The following PAN3 variants were observed in gnomAD, a reference collection of about 807,000 sequenced individuals.
The protein encoded by PAN3 is PAN2-PAN3 deadenylation complex subunit PAN3.
Under a neutral mutation model 96.2 loss-of-function variants are expected in PAN3, and 19 were observed. The ratio of observed to expected loss-of-function variants is 0.20; its 90% CI spans 0.14 to 0.29. PAN3 has a LOEUF of 0.29. Among genes scored for constraint, PAN3 ranks in the 10% least tolerant of loss-of-function variants. The pLI is 1.00. For missense variants in PAN3, 882 were observed against 1,108.1 expected, an observed-to-expected ratio of 0.80 and a Z score of 2.90; for synonymous variants, 433 against 406.6, an observed-to-expected ratio of 1.06 and a Z score of -0.78.
chr13:28,158,473 A>G (rs1206533426), intron 1 of PAN3, among the ~76,000 whole-genome samples: 1 of 152,244 alleles, frequency 6.6e-6, no homozygotes, highest in African/African-American at 2.4e-5. Flanking sequence ...CAGAATCTAT[A>G]AGGAACTTAA....
At chr13:28,168,727 A>C (rs1873899303) in intron 1 of PAN3, among the ~76,000 whole-genome samples, 1 of 151,000 alleles carries the variant, frequency 6.6e-6, no homozygotes. Flanking sequence ...AAAAAAAAGA[A>C]GTGTATTGTG....
intron 6 of PAN3, among the ~76,000 whole-genome samples, chr13:28,231,745 C>T (rs1458967354): frequency 6.6e-6 from 1 of 151,872 alleles, no homozygotes; most frequent in African/African-American, 2.4e-5. Flanking sequence ...AACAAATAAA[C>T]AACAACCATA....
chr13:28,215,337 G>T, intron 5 of PAN3: 1 of 747,996 alleles, frequency 1.3e-6, no homozygotes, highest in Non-Finnish European at 2.5e-6. Context: ...TCTCAAACCC[G>T]TTATGGTGGT....
chr13:28,165,282 C>A (rs2138050111), intron 1 of PAN3, among the ~76,000 whole-genome samples: 1 of 141,984 alleles, frequency 7.0e-6, no homozygotes. Flanking sequence ...ACTTATATAT[C>A]CTTTTTTTTT....
intron 12 of PAN3, 68 bp downstream of exon 12, chr13:28,267,469 AT>A: frequency 8.0e-7 from 1 of 1,246,938 alleles, no homozygotes; most frequent in East Asian, 2.5e-5. Context: ...GTAGTTTTCT[AT>A]TTTAAAATAC....
chr13:28,274,049 T>G (rs534590297), intron 14 of PAN3, among the ~76,000 whole-genome samples: 1 of 152,284 alleles, frequency 6.6e-6, no homozygotes, highest in South Asian at 2.1e-4. Flanking sequence ...TTCAGTTGTT[T>G]GCAGACGTTT....
At chr13:28,215,845 C>G in intron 5 of PAN3, 1 of 1,399,946 alleles carries the variant, frequency 7.1e-7, no homozygotes, top group African/African-American at 1.4e-5. Context: ...AAGAAGGCTG[C>G]TGGAGCTGGC....
chr13:28,144,202 A>G (rs868660761), intron 1 of PAN3, among the ~76,000 whole-genome samples: 11 of 143,396 alleles, frequency 7.7e-5, no homozygotes, highest in African/African-American at 2.5e-4. Flanking sequence ...GGTTTCGATA[A>G]GTTTTTTTGT....
At chr13:28,239,953 A>G (rs887305285) in intron 6 of PAN3, 5 of 169,956 alleles carry the variant, frequency 2.9e-5, no homozygotes, top group Non-Finnish European at 6.4e-5. Context: ...TATGAATCCA[A>G]GTTTCTTTTT....
At chr13:28,152,938 T>C (rs1158011085) in intron 1 of PAN3, among the ~76,000 whole-genome samples, 1 of 152,170 alleles carries the variant, frequency 6.6e-6, no homozygotes, top group African/African-American at 2.4e-5. Context: ...GACACTCTGG[T>C]ATGACGCTTT....
At chr13:28,175,732 C>T (rs953448979) in intron 2 of PAN3, among the ~76,000 whole-genome samples, 5 of 152,114 alleles carry the variant, frequency 3.3e-5, no homozygotes, top group African/African-American at 1.2e-4. Context: ...TAGTTTAATG[C>T]ATAGTTATAC....
intron 14 of PAN3, among the ~76,000 whole-genome samples, chr13:28,274,000 A>G (rs768345460): frequency 1.3e-5 from 2 of 152,238 alleles, no homozygotes; most frequent in Non-Finnish European, 2.9e-5. Flanking sequence ...CGTAAACCAC[A>G]GAGAATACAG....
At chr13:28,217,857 A>G (rs966017062) in intron 5 of PAN3, among the ~76,000 whole-genome samples, 2 of 151,188 alleles carry the variant, frequency 1.3e-5, no homozygotes, top group African/African-American at 2.4e-5. Flanking sequence ...TTTTATTTCT[A>G]TTTTTCTTAT....
At chr13:28,236,883 TTTG>T (rs910491632) in intron 6 of PAN3, among the ~76,000 whole-genome samples, 4 of 152,174 alleles carry the variant, frequency 2.6e-5, no homozygotes, top group Non-Finnish European at 4.4e-5. Flanking sequence ...TTTGTTTTGT[TTTG>T]TTTGTTTTTC....
intron 9 of PAN3, among the ~76,000 whole-genome samples, chr13:28,262,541 A>C (rs1885827425): frequency 6.6e-6 from 1 of 152,168 alleles, no homozygotes; most frequent in Admixed American, 6.5e-5. Context: ...TAACCTTTGA[A>C]ATATTCATCT....
intron 1 of PAN3, among the ~76,000 whole-genome samples, chr13:28,153,633 C>G (rs1431921509): frequency 6.6e-6 from 1 of 152,090 alleles, no homozygotes; most frequent in South Asian, 2.1e-4. Flanking sequence ...TGGGAAACTT[C>G]GATTTCTGTA....
rs188328873 is a variant in PAN3 at position 28,170,689 on chromosome 13, C to T, written c.431-3583C>T. On this transcript the variant is annotated intron_variant, in intron 1 of 18. Transcript: ENST00000380958. The stretch of plus-strand genomic sequence containing the variant: ...GTAGATGCCTTAAGGAATGGAGGAA[C>T]CTCTCCCCTTATGGATTGCTCTGTC... Among the ~76,000 whole-genome samples, 7 of 152,200 alleles carry T rather than the reference C, an allele frequency of 4.6e-5. No homozygotes were observed. In the East Asian group the frequency reaches 1.2e-3, roughly 25 times the overall value.
intron 4 of PAN3, 114 bp downstream of exon 4, chr13:28,178,049 T>G: frequency 1.2e-6 from 1 of 868,842 alleles, no homozygotes; most frequent in Non-Finnish European, 1.8e-6. Flanking sequence ...TTTATGGGCT[T>G]TAGTGTTTTT....
intron 9 of PAN3, among the ~76,000 whole-genome samples, chr13:28,262,081 CTAAT>C (rs991498752): frequency 1.3e-5 from 2 of 152,086 alleles, no homozygotes; most frequent in Non-Finnish European, 2.9e-5. Flanking sequence ...AGACAGTATA[CTAAT>C]TAAATACTTT....
Sources: allele counts gnomAD v4.1 joint callset (sites outside exome capture counted in the v4.1 genomes callset), GRCh38; gene constraint gnomAD v4.1.1; transcripts MANE v1.5; gene names NCBI Gene and HGNC (gene_info 2026-07-23, HGNC 2026-07-21).